ZGPAT: variants seen among roughly 807,000 people sequenced by gnomAD.
ZGPAT encodes the protein zinc finger CCCH-type and G-patch domain containing, also known as zinc finger CCCH-type with G patch domain-containing protein.
A neutral mutation model predicts 47.9 loss-of-function variants in ZGPAT; 39 were observed. That is an observed-to-expected ratio of 0.81 (90% CI 0.63 to 1.06). The LOEUF (loss-of-function observed/expected upper bound fraction) is 1.06. Ranked by LOEUF, ZGPAT falls within the 50% of genes least tolerant of loss-of-function variation. The pLI, the probability that ZGPAT is intolerant of heterozygous loss-of-function variation, is 0.00. For synonymous variants in ZGPAT, 348 were observed against 292.9 expected, an observed-to-expected ratio of 1.19 and a Z score of -1.92; for missense variants, 717 against 681.4, an observed-to-expected ratio of 1.05 and a Z score of -0.58.
chr20:63,732,875 C>T (rs559254191), intron 2 of ZGPAT, among the ~76,000 whole-genome samples: 18 of 150,836 alleles, frequency 1.2e-4, no homozygotes, highest in East Asian at 9.8e-4. Flanking sequence ...TGCGCGTGTG[C>T]GTATGCGTGT....
At chr20:63,727,202 CTT>C (rs1269573598) in intron 2 of ZGPAT, among the ~76,000 whole-genome samples, 1 of 151,270 alleles carries the variant, frequency 6.6e-6, no homozygotes, top group Non-Finnish European at 1.5e-5. Context: ...AGTGATTGTC[CTT>C]TTTAACTCTG....
chr20:63,724,634 T>C (rs1397465932), intron 2 of ZGPAT, among the ~76,000 whole-genome samples: 2 of 151,978 alleles, frequency 1.3e-5, no homozygotes, highest in Admixed American at 6.6e-5. Flanking sequence ...AGTTACTGTC[T>C]AGTGTCATTT....
chr20:63,724,877 A>C (rs369955000), intron 2 of ZGPAT, among the ~76,000 whole-genome samples: 1 of 150,946 alleles, frequency 6.6e-6, no homozygotes, highest in East Asian at 2.0e-4. Context: ...GGGTTTCACT[A>C]TGTTGGCCAG....
rs774872681 is a variant in ZGPAT, at chr20:63,734,701, G to A, written c.872-4G>A. On this transcript the variant is annotated splice_polypyrimidine_tract_variant and splice_region_variant and intron_variant, in intron 4 of 6. Coordinates refer to ENST00000355969, the MANE Select transcript of ZGPAT (RefSeq NM_181485.3). ...GTCCTCTGCCCTCTGTCCGTCTCTTGCAGTGGTGGGGTCAGATGCTGTGGA... is the reference window on the plus strand; with the variant it reads ...GTCCTCTGCCCTCTGTCCGTCTCTTACAGTGGTGGGGTCAGATGCTGTGGA... 6.2e-7 allele frequency: 1 copy of A among 1,613,776 alleles called. No individual in the cohort carries two copies. Among genetic ancestry groups the A allele is most frequent in the Non-Finnish European group, 8.5e-7 (1 of 1,179,840 alleles).
Position 63,735,319 on chromosome 20 carries a change from G to T in ZGPAT, c.1152G>T (p.Arg384Ser), listed in dbSNP as rs892486388. ...CCAGGTGCCGGGGAAGAGGGGCCAG[G>T]CCTGGGGGCCGCCCAGCTCCTCGGA... ...KPPRCRGRGA[R>S]PGGRPAPRNV... Residue 384 changes from arginine to serine, a missense_variant, in exon 6 of 7, where the codon AGG becomes AGT. Transcript: ENST00000355969. The T allele has an allele frequency of 5.1e-6, 8 of 1,582,886 alleles. No homozygotes were observed. The highest frequency in any genetic ancestry group is 3.4e-6 in the Non-Finnish European group (4 of 1,166,438).
intron 2 of ZGPAT, among the ~76,000 whole-genome samples, chr20:63,725,764 C>CT (rs71197427): frequency 0.044 from 5,961 of 136,866 alleles, 183 homozygotes; most frequent in Middle Eastern, 0.13. Flanking sequence ...TTCTCTAAAG[C>CT]TTTTTTTTTT....
intron 2 of ZGPAT, among the ~76,000 whole-genome samples, chr20:63,711,336 A>T (rs937418175): frequency 6.6e-6 from 1 of 152,066 alleles, no homozygotes. Flanking sequence ...ATATACTTTC[A>T]TTCATCTGTG....
Position 63,733,365 on chromosome 20 carries a change from G to T in ZGPAT, c.718+13G>T, listed in dbSNP as rs756637053. On this transcript the variant is annotated intron_variant, in intron 3 of 6. Transcript: ENST00000355969. ...GCACGCATCACCGGTGAGGCTGGCC[G>T]TGGGGGCCTCCCGGGAACACCCTCC... The T allele has an allele frequency of 7.5e-6, 12 of 1,607,592 alleles. No homozygotes were observed. The South Asian group carries it at 7.7e-5, about 10-fold the overall frequency.
chr20:63,734,228 A>G, intron 4 of ZGPAT: 1 of 243,226 alleles, frequency 4.1e-6, no homozygotes, highest in Non-Finnish European at 8.0e-6. Context: ...GTGTGTATAT[A>G]TGTGGGAGGT....
At chr20:63,728,716 T>A (rs1037425480) in intron 2 of ZGPAT, among the ~76,000 whole-genome samples, 5 of 152,188 alleles carry the variant, frequency 3.3e-5, no homozygotes, top group Non-Finnish European at 5.9e-5. Flanking sequence ...TTGTAAGTGT[T>A]TATCGAGTCA....
At chr20:63,720,242 GC>G (rs1463040446) in intron 2 of ZGPAT, among the ~76,000 whole-genome samples, 2 of 151,626 alleles carry the variant, frequency 1.3e-5, no homozygotes, top group Non-Finnish European at 2.9e-5. Flanking sequence ...TGCAACCTCT[GC>G]CTCCTGGGTT....
At chr20:63,727,911 T>C (rs1359327055) in intron 2 of ZGPAT, among the ~76,000 whole-genome samples, 2 of 152,116 alleles carry the variant, frequency 1.3e-5, no homozygotes, top group Non-Finnish European at 2.9e-5. Flanking sequence ...GATCTATGTC[T>C]GGATTCTGAG....
chr20:63,711,819 C>T (rs1253765042), intron 2 of ZGPAT, among the ~76,000 whole-genome samples: 1 of 152,094 alleles, frequency 6.6e-6, no homozygotes, highest in African/African-American at 2.4e-5. Flanking sequence ...AACTCTTGAC[C>T]TCAGGTGATC....
At position 63,735,909 on chromosome 20, in the gene ZGPAT, C is replaced by T. The variant is rs2091985734; in HGVS notation, c.1526C>T (p.Thr509Ile). 1 of 1,612,258 alleles carries T rather than the reference C, an allele frequency of 6.2e-7. No individual in the cohort carries two copies. Among genetic ancestry groups the T allele is most frequent in the African/African-American group, 1.3e-5 (1 of 74,938 alleles). Residue 509 changes from threonine to isoleucine, a missense_variant, in exon 7 of 7, where the codon ACT becomes ATT. Coordinates refer to ENST00000355969, the MANE Select transcript of ZGPAT (RefSeq NM_181485.3). ...AAGGCAGACACCCACAAGAAGATGACTGAGTTCTAGAGACCCCACAAGCAC... is the reference window on the plus strand; with the variant it reads ...AAGGCAGACACCCACAAGAAGATGATTGAGTTCTAGAGACCCCACAAGCAC... Reference protein sequence around the residue: ...QRKADTHKKMTEF With the variant: ...QRKADTHKKMIEF
At chr20:63,734,429 T>C (rs2091955612) in intron 4 of ZGPAT, 8 of 534,644 alleles carry the variant, frequency 1.5e-5, no homozygotes, top group Non-Finnish European at 6.5e-6. Context: ...AGGAGAGGGC[T>C]GCGGAGGAGG....
At chr20:63,715,567 G>T (rs978447274) in intron 2 of ZGPAT, among the ~76,000 whole-genome samples, 2 of 152,056 alleles carry the variant, frequency 1.3e-5, no homozygotes, top group Admixed American at 1.3e-4. Flanking sequence ...AAAGTTTAAG[G>T]CCTTATCATG....
At chr20:63,716,596 C>A (rs2091731252) in intron 2 of ZGPAT, among the ~76,000 whole-genome samples, 2 of 151,644 alleles carry the variant, frequency 1.3e-5, no homozygotes, top group African/African-American at 4.8e-5. Context: ...TCACTGCAAC[C>A]CCTGCCTCCC....
intron 2 of ZGPAT, among the ~76,000 whole-genome samples, chr20:63,715,833 TAGA>T (rs2091722349): frequency 6.6e-6 from 1 of 150,612 alleles, no homozygotes; most frequent in East Asian, 2.0e-4. Context: ...CAATCATATA[TAGA>T]GAGAGAGAGA....
At chr20:63,709,236 G>A (rs375096911) in intron 2 of ZGPAT, 72 bp downstream of exon 2, 5 of 1,550,470 alleles carry the variant, frequency 3.2e-6, no homozygotes, top group Admixed American at 1.7e-5. Context: ...GGTCAGGATC[G>A]GCCCTCCCTT....
Sources: gnomAD v4.1 joint callset for allele counts (sites outside exome capture counted in the v4.1 genomes callset) on GRCh38, gnomAD v4.1.1 for gene constraint, MANE v1.5 for transcripts, NCBI Gene and HGNC (gene_info 2026-07-23, HGNC 2026-07-21) for gene names.